The following AUTS2 variants were observed in gnomAD, a reference collection of about 807,000 sequenced individuals.
AUTS2 encodes activator of transcription and developmental regulator AUTS2.
A neutral mutation model predicts 112.4 loss-of-function variants in AUTS2; 17 were observed. The ratio of observed to expected loss-of-function variants is 0.15; its 90% CI spans 0.10 to 0.23. The LOEUF (loss-of-function observed/expected upper bound fraction) is 0.23. Ranked by LOEUF, AUTS2 falls within the 10% of genes least tolerant of loss-of-function variation. The probability of loss-of-function intolerance (pLI) is 1.00; values close to 1 mark genes in which losing one functional copy is unlikely to be tolerated. For synonymous variants in AUTS2, 751 were observed against 702.7 expected (o/e 1.07, Z -1.09); for missense variants, 1,510 against 1,701.6 (o/e 0.89, Z 1.98).
chr7:70,514,459 A>G (rs545518372), intron 5 of AUTS2, among the ~76,000 whole-genome samples: 52 of 152,244 alleles, frequency 3.4e-4, no homozygotes, highest in Non-Finnish European at 5.9e-4. Context: ...GAGGGAGCCA[A>G]TGTATCACAG....
At chr7:69,695,553 T>G (rs115162195) in intron 1 of AUTS2, among the ~76,000 whole-genome samples, 43 of 152,338 alleles carry the variant, frequency 2.8e-4, no homozygotes, top group African/African-American at 1.0e-3. Context: ...GACTAAATAT[T>G]GTGCTTTTTA....
intron 1 of AUTS2, among the ~76,000 whole-genome samples, chr7:69,642,330 A>G (rs1436820124): frequency 6.6e-6 from 1 of 152,186 alleles, no homozygotes; most frequent in African/African-American, 2.4e-5. Context: ...ATTTATATCC[A>G]TGAGTCAGGA....
At chr7:69,834,860 T>G (rs1351417445) in intron 1 of AUTS2, among the ~76,000 whole-genome samples, 2 of 152,136 alleles carry the variant, frequency 1.3e-5, no homozygotes, top group Non-Finnish European at 2.9e-5. Flanking sequence ...TAAAAGCCAG[T>G]TTACCTTTTG....
intron 1 of AUTS2, among the ~76,000 whole-genome samples, chr7:69,633,469 G>C (rs1399420005): frequency 6.6e-6 from 1 of 152,162 alleles, no homozygotes; most frequent in East Asian, 1.9e-4. Flanking sequence ...GCCCAGAAGA[G>C]AGATTGCTGG....
intron 1 of AUTS2, among the ~76,000 whole-genome samples, chr7:69,875,932 C>A (rs755498699): frequency 6.6e-6 from 1 of 152,086 alleles, no homozygotes; most frequent in Non-Finnish European, 1.5e-5. Context: ...GTTCCTATTG[C>A]TTAGCAATTT....
At chr7:70,244,156 T>A (rs968757822) in intron 4 of AUTS2, among the ~76,000 whole-genome samples, 9 of 152,244 alleles carry the variant, frequency 5.9e-5, no homozygotes, top group Admixed American at 1.3e-4. Flanking sequence ...TATTTTTTTA[T>A]TTTCCACAGT....
chr7:69,953,580 C>T (rs1178367692), intron 2 of AUTS2, among the ~76,000 whole-genome samples: 1 of 152,154 alleles, frequency 6.6e-6, no homozygotes, highest in Admixed American at 6.5e-5. Context: ...GGAATGCTCT[C>T]CAACATCTGG....
chr7:70,675,104 C>A (rs577627125), intron 5 of AUTS2, among the ~76,000 whole-genome samples: 3 of 150,896 alleles, frequency 2.0e-5, no homozygotes, highest in East Asian at 1.9e-4. Context: ...CCTCCCCCCC[C>A]TCAACTCCCT....
In AUTS2 at chr7:70,790,053, C is replaced by A. The variant is rs1254253472; in HGVS notation, c.2837C>A (p.Thr946Asn). The A allele has an allele frequency of 1.0e-5, 16 of 1,578,234 alleles. No homozygotes were observed. Among genetic ancestry groups the A allele is most frequent in the East Asian group, 2.3e-5 (1 of 42,722 alleles). Residue 946 changes from threonine (T) to asparagine (N), a missense_variant, in exon 19 of 19, where the codon ACC becomes AAC. Around this residue, in one of 3 missense-constraint regions of AUTS2, gnomAD observed 788 missense variants for 797.6 expected, o/e 0.99. Coordinates refer to ENST00000342771, the MANE Select transcript of AUTS2 (RefSeq NM_015570.4). The surrounding 1 kb of genome is among the most constrained non-coding windows in gnomAD (Gnocchi z 7.6). Reference sequence around the variant, plus strand: ...CGGGTGCCGTCTCCCTACGTGCGGACCCCGGTGGTGGAGAGTGCCAGGCCC... The same window carrying A: ...CGGGTGCCGTCTCCCTACGTGCGGAACCCGGTGGTGGAGAGTGCCAGGCCC... ...LARVPSPYVR[T>N]PVVESARPNS...
In AUTS2 at chr7:69,786,300, G is replaced by A. The variant is rs112966862; in HGVS notation, c.310-112986G>A. Among the ~76,000 whole-genome samples the A allele has an allele frequency of 4.2e-4, 64 of 152,308 alleles. 2 individuals carry two copies. The highest frequency in any genetic ancestry group is 1.3e-3 in the African/African-American group (52 of 41,568). Reference sequence around the variant, plus strand: ...TAAAATGCACCAATCAGCGCTCTGCGTCTAGCTAAAGGATTGTAAATGCAC... The same window carrying A: ...TAAAATGCACCAATCAGCGCTCTGCATCTAGCTAAAGGATTGTAAATGCAC... On this transcript the variant is annotated intron_variant, in intron 1 of 18. Transcript: ENST00000342771.
At chr7:70,676,858 C>A (rs543580806) in intron 5 of AUTS2, among the ~76,000 whole-genome samples, 202 of 150,588 alleles carry the variant, frequency 1.3e-3, no homozygotes, top group South Asian at 8.3e-3. Flanking sequence ...GCCTGGGCGA[C>A]AAGAGTGAGA....
intron 4 of AUTS2, among the ~76,000 whole-genome samples, chr7:70,196,045 AGGAAT>A (rs1810156016): frequency 6.6e-6 from 1 of 152,252 alleles, no homozygotes; most frequent in African/African-American, 2.4e-5. Flanking sequence ...GTATGGCAGC[AGGAAT>A]TTATACTTTG....
At chr7:70,392,904 G>T (rs1793926072) in intron 4 of AUTS2, among the ~76,000 whole-genome samples, 1 of 152,200 alleles carries the variant, frequency 6.6e-6, no homozygotes, top group Non-Finnish European at 1.5e-5. Flanking sequence ...CCTAGATGAT[G>T]ATGTGTTTTT....
intron 1 of AUTS2, among the ~76,000 whole-genome samples, chr7:69,809,455 A>G (rs1446339595): frequency 1.3e-5 from 2 of 152,178 alleles, no homozygotes; most frequent in Non-Finnish European, 2.9e-5. Context: ...AAGGAATGCA[A>G]TTGGTTGCTT....
chr7:70,380,253 A>G (rs1198851307), intron 4 of AUTS2, among the ~76,000 whole-genome samples: 1 of 152,228 alleles, frequency 6.6e-6, no homozygotes, highest in Non-Finnish European at 1.5e-5. Context: ...GGGATCAAAC[A>G]AAGTTAGTGC....
chr7:70,446,598 G>A (rs572810134), intron 5 of AUTS2, among the ~76,000 whole-genome samples: 16 of 152,296 alleles, frequency 1.1e-4, no homozygotes, highest in African/African-American at 3.1e-4. Context: ...CTGTCAGCTC[G>A]GGTTAGGAGG....
At chr7:70,059,376 A>G (rs956370730) in intron 2 of AUTS2, among the ~76,000 whole-genome samples, 1 of 152,126 alleles carries the variant, frequency 6.6e-6, no homozygotes, top group African/African-American at 2.4e-5. Context: ...CATTGCCTGG[A>G]TGTTCCACAG....
intron 3 of AUTS2, among the ~76,000 whole-genome samples, chr7:70,127,894 A>G (rs1029940124): frequency 6.6e-6 from 1 of 151,968 alleles, no homozygotes; most frequent in South Asian, 2.1e-4. Flanking sequence ...CACCCATGCC[A>G]GCATCTGTCC....
intron 6 of AUTS2, among the ~76,000 whole-genome samples, chr7:70,732,945 G>C (rs917120153): frequency 6.6e-6 from 1 of 152,158 alleles, no homozygotes; most frequent in Non-Finnish European, 1.5e-5. Flanking sequence ...CTGTGGTTTA[G>C]GAGGTGGCCC....
Sources: allele counts gnomAD v4.1 joint callset (sites outside exome capture counted in the v4.1 genomes callset), GRCh38; gene constraint gnomAD v4.1.1; regional missense constraint gnomAD v4.1.1; non-coding constraint Gnocchi (gnomAD v3.1); transcripts MANE v1.5; gene names NCBI Gene and HGNC (gene_info 2026-07-23, HGNC 2026-07-21).